Variants in G3BP1 observed in about 807,000 individuals in gnomAD.
G3BP1 encodes ras GTPase-activating protein-binding protein 1.
Under a neutral mutation model 58.6 loss-of-function variants are expected in G3BP1, and 35 were observed. The observed-to-expected ratio is 0.60, with a 90% CI of 0.46 to 0.79. The LOEUF (loss-of-function observed/expected upper bound fraction) is 0.79, where lower values mean the gene tolerates loss of function less well. Ranked by LOEUF, G3BP1 falls within the 30% of genes least tolerant of loss-of-function variation. The pLI is 0.00. For missense variants in G3BP1, 523 were observed against 580.8 expected, an observed-to-expected ratio of 0.90 and a Z score of 1.02; for synonymous variants, 191 against 195.4, an observed-to-expected ratio of 0.98 and a Z score of 0.19.
intron 2 of G3BP1, 195 bp downstream of exon 2, chr5:151,786,910 T>C: frequency 2.5e-6 from 1 of 397,344 alleles, no homozygotes; most frequent in South Asian, 4.7e-5. Flanking sequence ...TGGTGCGATC[T>C]GGACTGACTG....
At chr5:151,782,704 C>T (rs1762487949) in intron 1 of G3BP1, among the ~76,000 whole-genome samples, 1 of 151,628 alleles carries the variant, frequency 6.6e-6, no homozygotes. Flanking sequence ...TTTTTTTTCC[C>T]CTCTGATATT....
At chr5:151,793,164 A>G in intron 4 of G3BP1, among the ~76,000 whole-genome samples, 1 of 152,154 alleles carries the variant, frequency 6.6e-6, no homozygotes, top group East Asian at 1.9e-4. Flanking sequence ...GCTGGAGTGC[A>G]GAGGTGCAGT....
At chr5:151,773,872 G>A (rs1271287939) in intron 1 of G3BP1, among the ~76,000 whole-genome samples, 1 of 152,124 alleles carries the variant, frequency 6.6e-6, no homozygotes, top group East Asian at 1.9e-4. Context: ...CTTGAGTCCA[G>A]CTAATTTTAT....
At chr5:151,785,240 G>C (rs1437573867) in intron 1 of G3BP1, among the ~76,000 whole-genome samples, 1 of 152,164 alleles carries the variant, frequency 6.6e-6, no homozygotes, top group Admixed American at 6.5e-5. Flanking sequence ...AATACTCCTA[G>C]TATGACTGGG....
chr5:151,780,102 A>G (rs1159980517), intron 1 of G3BP1, among the ~76,000 whole-genome samples: 12 of 152,102 alleles, frequency 7.9e-5, no homozygotes, highest in Admixed American at 3.3e-4. Flanking sequence ...TTGGTTGCCA[A>G]TGTTTGGTGT....
Position 151,785,236 on chromosome 5 carries a change from C to T in G3BP1, c.-49-1336C>T, listed in dbSNP as rs904091805. On this transcript the variant is annotated intron_variant, in intron 1 of 11. Transcript: ENST00000356245. ...TACACATGCCTGAAGGCAAAATACTCCTAGTATGACTGGGAAGCTTCTTCA... is the reference window on the plus strand; with the variant it reads ...TACACATGCCTGAAGGCAAAATACTTCTAGTATGACTGGGAAGCTTCTTCA... Among the ~76,000 whole-genome samples the T allele has an allele frequency of 7.4e-4, 112 of 152,118 alleles. 7 individuals carry two copies. Among genetic ancestry groups the T allele is most frequent in the Non-Finnish European group, 3.7e-4 (25 of 68,032 alleles).
Position 151,800,764 on chromosome 5 carries a change from T to C in G3BP1, c.1089T>C (p.Tyr363=). 1.9e-6 allele frequency: 3 copies of C among 1,600,448 alleles called. No homozygotes were observed. Among genetic ancestry groups the C allele is most frequent in the Non-Finnish European group, 2.6e-6 (3 of 1,167,612 alleles). ...KSELKDFFQS[Y]GNVVELRINS... is the part of the protein sequence containing the mutation. ...GAGAATGTGTTTCACTTGCAGGTTA[T>C]GGAAACGTGGTGGAGTTGCGCATTA... The change falls in exon 11 of 12, where the codon TAT becomes TAC. Residue 363 remains tyrosine (Y), a synonymous_variant. Coordinates refer to ENST00000356245, the MANE Select transcript of G3BP1 (RefSeq NM_005754.3).
At chr5:151,792,139 C>T (rs147600695) in intron 4 of G3BP1, 4 of 455,948 alleles carry the variant, frequency 8.8e-6, no homozygotes, top group South Asian at 3.1e-5. Context: ...TATGAAAGGA[C>T]GACAAGTTTA....
rs1762640014 is a variant in G3BP1 at position 151,790,904 on chromosome 5, G to A, written c.193G>A (p.Val65Met). The change falls in exon 4 of 12, where the codon GTG becomes ATG. Residue 65 changes from valine to methionine, a missense_variant. Transcript: ENST00000356245. ...TTTTTTTAAGGAAATCCACAGGAAAGTGATGTCACAAAACTTCACCAACTG... is the reference window on the plus strand; with the variant it reads ...TTTTTTTAAGGAAATCCACAGGAAAATGATGTCACAAAACTTCACCAACTG... The part of the protein sequence containing the change: ...VYGQKEIHRK[V>M]MSQNFTNCHT... 1.3e-6 allele frequency: 2 copies of A among 1,587,440 alleles called. No homozygotes were observed. Among genetic ancestry groups the A allele is most frequent in the Non-Finnish European group, 1.7e-6 (2 of 1,158,970 alleles).
In G3BP1 at chr5:151,807,060, G is replaced by GTGT. The variant is rs1762947540; in HGVS notation, c.*2970_*2972dup. The GTGT allele has an allele frequency of 6.6e-6, 1 of 152,136 alleles. No homozygotes were observed. The highest frequency in any genetic ancestry group is 1.5e-5 in the Non-Finnish European group (1 of 68,024). 9.4% of individuals were successfully genotyped at this position (152,136 alleles called of 1,614,324 possible). On this transcript the variant is annotated 3_prime_UTR_variant, in exon 12 of 12. Coordinates refer to ENST00000356245, the MANE Select transcript of G3BP1 (RefSeq NM_005754.3). The stretch of plus-strand genomic sequence containing the variant: ...TAGTGGTGAGGTTGGGTTTTACTTT[G>GTGT]TGTATTCCAGCGTTCTCAACTTTGT...
rs1195966560 is a variant in G3BP1 at position 151,808,776 on chromosome 5, A to G, written c.*4685A>G. 1.3e-5 allele frequency: 2 copies of G among 152,224 alleles called. No homozygotes were observed. Among genetic ancestry groups the G allele is most frequent in the Non-Finnish European group, 2.9e-5 (2 of 68,044 alleles). The allele number at this position is 152,224 out of a possible 1,614,324, so 9.4% of individuals were successfully genotyped here. On this transcript the variant is annotated 3_prime_UTR_variant, in exon 12 of 12. Transcript: ENST00000356245. Reference sequence around the variant, plus strand: ...TTTACTGAACCAAGTATTTATTTTCAGAAGCCCACTTTTGGGGAAGGTTGC... The same window carrying G: ...TTTACTGAACCAAGTATTTATTTTCGGAAGCCCACTTTTGGGGAAGGTTGC...
chr5:151,797,347 A>C lies in G3BP1; in HGVS notation c.660A>C (p.Glu220Asp). 1 of 1,614,184 alleles carries C rather than the reference A, an allele frequency of 6.2e-7. No individual in the cohort carries two copies. Among genetic ancestry groups the C allele is most frequent in the South Asian group, 1.1e-5 (1 of 91,082 alleles). Reference protein sequence around the residue: ...IQEEKPEPVLEETAPEDAQKS... With the variant: ...IQEEKPEPVLDETAPEDAQKS... ...AGGAAAAGCCTGAGCCAGTATTAGA[A>C]GAAACTGCCCCTGAGGATGCTCAGA... The change falls in exon 7 of 12, where the codon GAA becomes GAC. Residue 220 changes from glutamate to aspartate, a missense_variant. Physicochemically the swap from Glu to Asp is conservative, Grantham distance 45. This residue lies in a region of G3BP1 where 398 missense variants were observed against 399.1 expected (regional missense o/e 1.00). Transcript: ENST00000356245.
intron 1 of G3BP1, among the ~76,000 whole-genome samples, chr5:151,779,376 A>G (rs1483173921): frequency 6.6e-6 from 1 of 151,864 alleles, no homozygotes; most frequent in Non-Finnish European, 1.5e-5. Flanking sequence ...TGTTTTTTCC[A>G]TATGATATCT....
At chr5:151,799,373 T>G in intron 8 of G3BP1, 60 bp downstream of exon 8, 1 of 876,720 alleles carries the variant, frequency 1.1e-6, no homozygotes, top group Non-Finnish European at 2.0e-6. Flanking sequence ...GTAATTTGAT[T>G]CAACAGAGGT....
At chr5:151,782,775 A>AAATT (rs1196553328) in intron 1 of G3BP1, among the ~76,000 whole-genome samples, 14 of 151,762 alleles carry the variant, frequency 9.2e-5, no homozygotes, top group Non-Finnish European at 1.9e-4. Flanking sequence ...CCCCAGAGGT[A>AAATT]ATTCATAGAT....
intron 7 of G3BP1, among the ~76,000 whole-genome samples, 200 bp from the exon 8 acceptor site, chr5:151,799,012 T>A (rs1762802947): frequency 6.6e-6 from 1 of 152,142 alleles, no homozygotes; most frequent in Non-Finnish European, 1.5e-5. Flanking sequence ...ATTTGCTTGG[T>A]ACTTGATCAT....
In G3BP1 at chr5:151,772,034, T is replaced by C. The variant is rs549558936; in HGVS notation, c.-52T>C. 1.2e-3 allele frequency: 188 copies of C among 152,794 alleles called. 1 individual carries two copies. The highest frequency in any genetic ancestry group is 4.3e-3 in the African/African-American group (179 of 41,592). The allele number at this position is 152,794 out of a possible 1,614,324, so 9.5% of individuals were successfully genotyped here. A position where few individuals can be genotyped will look rare whatever the true frequency, so the allele number is the denominator to read the frequency against. On this transcript the variant is annotated splice_region_variant and 5_prime_UTR_variant, in exon 1 of 12. Transcript: ENST00000356245. ...CTAGTTCCTCTCCAGCTCAGCCGCG[T>C]AGGTACGCCGGGGTGTGGGCGGGGC...
At chr5:151,793,459 T>TA (rs1762695591) in intron 4 of G3BP1, among the ~76,000 whole-genome samples, 1 of 152,234 alleles carries the variant, frequency 6.6e-6, no homozygotes, top group East Asian at 1.9e-4. Context: ...GGCATTTACA[T>TA]GCTTAGGGCT....
chr5:151,802,761 G>A (rs566485127), intron 11 of G3BP1, among the ~76,000 whole-genome samples: 100 of 152,176 alleles, frequency 6.6e-4, no homozygotes, highest in Middle Eastern at 6.8e-3. Flanking sequence ...GTGAAACCCC[G>A]TCTCTACTAA....
Sources: allele counts gnomAD v4.1 joint callset (sites outside exome capture counted in the v4.1 genomes callset), GRCh38; gene constraint gnomAD v4.1.1; regional missense constraint gnomAD v4.1.1; transcripts MANE v1.5; gene names NCBI Gene and HGNC (gene_info 2026-07-23, HGNC 2026-07-21).